Variants in LDLRAD4 observed in about 807,000 individuals in gnomAD.
LDLRAD4 encodes low-density lipoprotein receptor class A domain-containing protein 4.
In LDLRAD4, 5 loss-of-function variants were observed where a neutral mutation model predicts 17.0. The ratio of observed to expected loss-of-function variants is 0.29; its 90% CI spans 0.15 to 0.62. The LOEUF is 0.62. LDLRAD4 is among the 20% of genes least tolerant of loss of function. The pLI, the probability that LDLRAD4 is intolerant of heterozygous loss-of-function variation, is 0.84. For missense variants in LDLRAD4, 340 were observed against 424.7 expected, an observed-to-expected ratio of 0.80 and a Z score of 1.75; for synonymous variants, 168 against 171.8, an observed-to-expected ratio of 0.98 and a Z score of 0.17.
At chr18:13,611,206 T>G (rs2039524202) in intron 3 of LDLRAD4, 1 of 154,590 alleles carries the variant, frequency 6.5e-6, no homozygotes, top group Non-Finnish European at 1.5e-5. Flanking sequence ...CTGTCCTGGC[T>G]TCTAACGCTG....
intron 3 of LDLRAD4, among the ~76,000 whole-genome samples, chr18:13,618,152 C>T (rs913269938): frequency 6.6e-5 from 10 of 152,190 alleles, no homozygotes; most frequent in East Asian, 5.8e-4. Flanking sequence ...GGCCAGTGCA[C>T]GTGTGTTCTT....
intron 3 of LDLRAD4, among the ~76,000 whole-genome samples, chr18:13,555,219 G>T (rs1477613290): frequency 1.3e-5 from 2 of 152,126 alleles, no homozygotes; most frequent in African/African-American, 4.8e-5. Context: ...AGGGACATTA[G>T]GTGAAAACGC....
chr18:13,224,635 A>T (rs1377448190), intron 1 of LDLRAD4, among the ~76,000 whole-genome samples: 1 of 150,030 alleles, frequency 6.7e-6, no homozygotes, highest in Non-Finnish European at 1.5e-5. Flanking sequence ...ACGTGCCACC[A>T]CGCCCGGCTA....
At chr18:13,310,219 G>A (rs1295770194) in intron 1 of LDLRAD4, among the ~76,000 whole-genome samples, 2 of 151,206 alleles carry the variant, frequency 1.3e-5, no homozygotes, top group African/African-American at 4.9e-5. Context: ...GTGTGGTGGT[G>A]TACACCTGTT....
intron 1 of LDLRAD4, among the ~76,000 whole-genome samples, chr18:13,293,944 C>T (rs2146454208): frequency 6.6e-6 from 1 of 152,254 alleles, no homozygotes; most frequent in East Asian, 1.9e-4. Context: ...CTTCTGGGGC[C>T]AGAGGAGCAC....
chr18:13,252,569 A>C (rs1485529113), intron 1 of LDLRAD4, among the ~76,000 whole-genome samples: 1 of 152,156 alleles, frequency 6.6e-6, no homozygotes, highest in African/African-American at 2.4e-5. Context: ...CCAATTGCTT[A>C]ATGTTATTAC....
At chr18:13,283,288 T>A (rs2045397389) in intron 1 of LDLRAD4, among the ~76,000 whole-genome samples, 1 of 152,222 alleles carries the variant, frequency 6.6e-6, no homozygotes, top group Non-Finnish European at 1.5e-5. Flanking sequence ...GGGTTTTTCT[T>A]TTCTATTGCA....
chr18:13,648,895 C>CT (rs897697847), exon 6 of LDLRAD4: 2 of 152,158 alleles, frequency 1.3e-5, no homozygotes, highest in Non-Finnish European at 2.9e-5. Flanking sequence ...CTAGCATTCT[C>CT]TTTAAATACT....
At chr18:13,404,888 T>G (rs1202339395) in intron 2 of LDLRAD4, among the ~76,000 whole-genome samples, 1 of 152,002 alleles carries the variant, frequency 6.6e-6, no homozygotes, top group Non-Finnish European at 1.5e-5. Context: ...GTCGGTGGTG[T>G]TTCAGAAATG....
At chr18:13,644,647 T>C (rs1167582358) in intron 5 of LDLRAD4, among the ~76,000 whole-genome samples, 1 of 152,020 alleles carries the variant, frequency 6.6e-6, no homozygotes, top group Non-Finnish European at 1.5e-5. Context: ...AACCATAGGT[T>C]CTAAGTTCTA....
chr18:13,466,252 T>C (rs7504921), intron 3 of LDLRAD4, among the ~76,000 whole-genome samples: 148,663 of 152,212 alleles, frequency 0.98, 72,712 homozygotes, highest in East Asian at 1. Flanking sequence ...GGGCAGATCA[T>C]TTGAACCCAG....
At chr18:13,454,144 T>C (rs1318661222) in intron 3 of LDLRAD4, among the ~76,000 whole-genome samples, 2 of 152,232 alleles carry the variant, frequency 1.3e-5, no homozygotes, top group Non-Finnish European at 2.9e-5. Flanking sequence ...ATAAGACCCC[T>C]TTTTGTCTGA....
At chr18:13,243,913 A>C (rs2042812859) in intron 1 of LDLRAD4, among the ~76,000 whole-genome samples, 1 of 115,176 alleles carries the variant, frequency 8.7e-6, no homozygotes, top group African/African-American at 3.6e-5. Flanking sequence ...CCATCCATGC[A>C]CCTATGCACC....
intron 1 of LDLRAD4, among the ~76,000 whole-genome samples, chr18:13,339,901 T>C (rs553437320): frequency 6.6e-6 from 1 of 152,328 alleles, no homozygotes; most frequent in Admixed American, 6.5e-5. Context: ...ACTTTTTCTT[T>C]TTTTTAAACT....
intron 3 of LDLRAD4, among the ~76,000 whole-genome samples, chr18:13,569,107 A>G (rs1194758567): frequency 2.0e-5 from 3 of 152,252 alleles, no homozygotes; most frequent in Non-Finnish European, 4.4e-5. Flanking sequence ...AGAAGTTGTG[A>G]CACTAATCCA....
chr18:13,294,956 G>A (rs1029809787), intron 1 of LDLRAD4, among the ~76,000 whole-genome samples: 4 of 152,108 alleles, frequency 2.6e-5, no homozygotes, highest in Non-Finnish European at 2.9e-5. Context: ...ACTGGGGACC[G>A]GCTGGTCTGA....
chr18:13,233,328 G>C (rs946889855), intron 1 of LDLRAD4, among the ~76,000 whole-genome samples: 1 of 152,200 alleles, frequency 6.6e-6, no homozygotes, highest in Admixed American at 6.5e-5. Context: ...AGACATCAAG[G>C]GACCCTCTGG....
chr18:13,386,334 T>A (rs2085794347), intron 1 of LDLRAD4, among the ~76,000 whole-genome samples: 1 of 152,032 alleles, frequency 6.6e-6, no homozygotes, highest in Non-Finnish European at 1.5e-5. Flanking sequence ...CATTAAAATA[T>A]CTGAAAAACA....
chr18:13,376,476 C>T (rs942220721), intron 1 of LDLRAD4, among the ~76,000 whole-genome samples: 4 of 152,184 alleles, frequency 2.6e-5, no homozygotes, highest in Non-Finnish European at 5.9e-5. Flanking sequence ...GTGGTTTTCT[C>T]TGGTGGATCC....
Sources: gnomAD v4.1 joint callset for allele counts (sites outside exome capture counted in the v4.1 genomes callset) on GRCh38, gnomAD v4.1.1 for gene constraint, MANE v1.5 for transcripts, NCBI Gene and HGNC (gene_info 2026-07-23, HGNC 2026-07-21) for gene names.